The following BAIAP2 variants were observed in gnomAD, a reference collection of about 807,000 sequenced individuals.
The protein encoded by BAIAP2 is BAR/IMD domain containing adaptor protein 2, also known as BAR/IMD domain-containing adapter protein 2.
In BAIAP2, 18 loss-of-function variants were observed where a neutral mutation model predicts 63.0. The observed-to-expected ratio is 0.29, with a 90% CI of 0.20 to 0.42. The LOEUF is 0.42. Ranked by LOEUF, BAIAP2 falls within the 10% of genes least tolerant of loss-of-function variation. BAIAP2 has a pLI of 1.00. For missense variants in BAIAP2, 610 were observed against 734.3 expected (o/e 0.83, Z 1.96); for synonymous variants, 386 against 307.6 (o/e 1.25, Z -2.67).
At chr17:81,050,276 A>G (rs4969365) in intron 1 of BAIAP2, among the ~76,000 whole-genome samples, 135,884 of 152,260 alleles carry the variant, frequency 0.89, 60,775 homozygotes, top group Admixed American at 0.92. Context: ...GGGCCAGGAC[A>G]GCAGCACTTG....
chr17:81,081,357 G>C (rs974537533), intron 3 of BAIAP2, among the ~76,000 whole-genome samples: 1 of 152,202 alleles, frequency 6.6e-6, no homozygotes, highest in Admixed American at 6.5e-5. Flanking sequence ...GTCTGCCCCC[G>C]GCCTGAAGCT....
intron 3 of BAIAP2, among the ~76,000 whole-genome samples, chr17:81,060,180 T>C (rs2050302588): frequency 1.3e-5 from 2 of 152,180 alleles, no homozygotes; most frequent in Admixed American, 6.5e-5. Context: ...AACAGCTTGA[T>C]TGACAGAATT....
At chr17:81,065,046 C>T (rs1046431224) in intron 3 of BAIAP2, among the ~76,000 whole-genome samples, 1 of 152,212 alleles carries the variant, frequency 6.6e-6, no homozygotes, top group Non-Finnish European at 1.5e-5. Flanking sequence ...TTCCGGGGCA[C>T]ACCCACTGCT....
At position 81,104,013 on chromosome 17, in the gene BAIAP2, T is replaced by C. The variant is rs561013874; in HGVS notation, c.971T>C (p.Leu324Pro). 1.9e-6 allele frequency: 3 copies of C among 1,613,210 alleles called. No individual in the cohort carries two copies. Among genetic ancestry groups the C allele is most frequent in the Non-Finnish European group, 2.5e-6 (3 of 1,180,018 alleles). The change falls in exon 9 of 14, where the codon CTG becomes CCG. Residue 324 changes from leucine (L) to proline (P), a missense_variant. Physicochemically the swap from Leu to Pro is moderately conservative, Grantham distance 98 (BLOSUM62 -3). Transcript: ENST00000428708. The stretch of plus-strand genomic sequence containing the variant: ...CGCAAGGCTGCCCAGCCCAAATCCC[T>C]GTCTCCTCCGCAGTCTCAGAGCAAG... ...ADRKAAQPKS[L>P]SPPQSQSKLS...
At chr17:81,106,387 G>A (rs1302090092) in intron 11 of BAIAP2, among the ~76,000 whole-genome samples, 1 of 152,212 alleles carries the variant, frequency 6.6e-6, no homozygotes, top group Non-Finnish European at 1.5e-5. Context: ...CAGGTGCTAT[G>A]GGGGCAGCTC....
rs368821822 is a variant in BAIAP2 at position 81,116,313 on chromosome 17, G to A, written c.*474G>A. ...ACCCTGGCTGGAAGATGAACTTCCC[G>A]TAAGCACGTAATTCCCTGCAGGTCC... is the stretch of plus-strand genomic sequence containing the variant. On this transcript the variant is annotated 3_prime_UTR_variant, in exon 14 of 14. Coordinates refer to ENST00000428708, the MANE Select transcript of BAIAP2 (RefSeq NM_001144888.2). The A allele has an allele frequency of 4.1e-5, 66 of 1,612,752 alleles. 1 individual carries two copies. The highest frequency in any genetic ancestry group is 3.4e-4 in the South Asian group (31 of 91,084).
chr17:81,099,833 C>CG, intron 6 of BAIAP2, 95 bp from the exon 7 acceptor site: 1 of 1,384,994 alleles, frequency 7.2e-7, no homozygotes, highest in South Asian at 1.3e-5. Flanking sequence ...ATGAATGAGA[C>CG]GTGTCCTTTG....
At chr17:81,115,665 T>C (rs1028103852) in intron 13 of BAIAP2, 105 bp from the exon 14 acceptor site, 4 of 1,350,770 alleles carry the variant, frequency 3.0e-6, no homozygotes, top group African/African-American at 2.9e-5. Flanking sequence ...GATCGGACCG[T>C]AGGCATCCAG....
intron 1 of BAIAP2, among the ~76,000 whole-genome samples, chr17:81,047,928 T>C (rs889130377): frequency 1.3e-5 from 2 of 152,216 alleles, no homozygotes; most frequent in African/African-American, 2.4e-5. Flanking sequence ...ACGCAGGCCC[T>C]AGGGGTGTGG....
intron 1 of BAIAP2, among the ~76,000 whole-genome samples, chr17:81,041,151 G>A (rs1487615254): frequency 6.6e-6 from 1 of 152,252 alleles, no homozygotes; most frequent in Non-Finnish European, 1.5e-5. Context: ...CTGAGCTTTG[G>A]AAAATGCTGC....
At chr17:81,108,541 CGTGGGTGGGTGTGAAGAGG>C (rs774295678) in intron 13 of BAIAP2, 32 bp downstream of exon 13, 48 of 1,613,636 alleles carry the variant, frequency 3.0e-5, no homozygotes, top group Non-Finnish European at 4.0e-5. Flanking sequence ...TCTTTGGGAC[CGTGGGTGGGTGTGAAGAGG>C]CCGGGTGGGG....
intron 6 of BAIAP2, 21 bp downstream of exon 6, chr17:81,086,601 G>A (rs1015154545): frequency 1.2e-6 from 2 of 1,611,856 alleles, no homozygotes; most frequent in Non-Finnish European, 1.7e-6. Flanking sequence ...CACCCCCGCT[G>A]TGGTGCCTCT....
chr17:81,104,257 A>G (rs2058855526), intron 9 of BAIAP2, 149 bp downstream of exon 9: 3 of 930,132 alleles, frequency 3.2e-6, no homozygotes, highest in Admixed American at 2.4e-5. Flanking sequence ...TGGTACACAC[A>G]CGTGTGCCTG....
At chr17:81,055,569 G>T (rs2049343949) in intron 2 of BAIAP2, among the ~76,000 whole-genome samples, 4 of 94,214 alleles carry the variant, frequency 4.2e-5, no homozygotes, top group South Asian at 4.2e-4. Flanking sequence ...TCTGCAGGGT[G>T]TTTTGTTTTT....
At chr17:81,071,894 C>T (rs1201275725) in intron 3 of BAIAP2, among the ~76,000 whole-genome samples, 2 of 152,250 alleles carry the variant, frequency 1.3e-5, no homozygotes, top group Non-Finnish European at 2.9e-5. Flanking sequence ...CACGGAGGCG[C>T]CGGAGCATGC....
chr17:81,048,951 C>T (rs929435950), intron 1 of BAIAP2, among the ~76,000 whole-genome samples: 1 of 152,198 alleles, frequency 6.6e-6, no homozygotes, highest in Non-Finnish European at 1.5e-5. Flanking sequence ...GGGAGCCCCT[C>T]GTGGGCCGGA....
At chr17:81,091,012 C>T (rs2056641167) in intron 6 of BAIAP2, among the ~76,000 whole-genome samples, 2 of 152,224 alleles carry the variant, frequency 1.3e-5, no homozygotes, top group South Asian at 4.1e-4. Flanking sequence ...CCCGCCTACT[C>T]ATGTGCAGCC....
chr17:81,084,917 C>T (rs762405590), intron 4 of BAIAP2, 24 bp downstream of exon 4: 1 of 1,612,926 alleles, frequency 6.2e-7, no homozygotes, highest in Non-Finnish European at 8.5e-7. Context: ...CAGCGTGGCC[C>T]TGCGAGGAGG....
chr17:81,068,600 G>A (rs1273494136), intron 3 of BAIAP2, among the ~76,000 whole-genome samples: 4 of 152,208 alleles, frequency 2.6e-5, no homozygotes, highest in East Asian at 1.9e-4. Context: ...CCGCACAGAC[G>A]GAGCCAGCAC....
Sources: allele counts gnomAD v4.1 joint callset (sites outside exome capture counted in the v4.1 genomes callset), GRCh38; gene constraint gnomAD v4.1.1; transcripts MANE v1.5; gene names NCBI Gene and HGNC (gene_info 2026-07-23, HGNC 2026-07-21).